TOX2: variants seen among roughly 807,000 people sequenced by gnomAD.
The protein encoded by TOX2 is granulosa cell HMG box 1.
A neutral mutation model predicts 47.4 loss-of-function variants in TOX2; 15 were observed. The observed-to-expected ratio is 0.32, with a 90% CI of 0.21 to 0.49. The LOEUF is 0.49. Among genes scored for constraint, TOX2 ranks in the 20% least tolerant of loss-of-function variants. The pLI is 0.99. For synonymous variants in TOX2, 290 were observed against 296.6 expected (o/e 0.98, Z 0.23); for missense variants, 622 against 673.1 (o/e 0.92, Z 0.84).
chr20:43,991,694 A>G (rs911441641), intron 2 of TOX2, among the ~76,000 whole-genome samples: 2 of 151,178 alleles, frequency 1.3e-5, no homozygotes, highest in African/African-American at 4.9e-5. Context: ...TCCAGGCTGG[A>G]GTGCAGTGGT....
At chr20:43,952,074 A>T (rs6073262) in intron 1 of TOX2, among the ~76,000 whole-genome samples, 112,316 of 148,460 alleles carry the variant, frequency 0.76, 42,370 homozygotes, top group Admixed American at 0.79. Context: ...TTTTTTTTTT[A>T]AAATTTTTAG....
chr20:43,984,261 G>T (rs913077771), intron 2 of TOX2, among the ~76,000 whole-genome samples: 1 of 152,166 alleles, frequency 6.6e-6, no homozygotes, highest in Non-Finnish European at 1.5e-5. Context: ...ATAAATACCA[G>T]AGGCCTTAAA....
chr20:43,947,774 T>TGG (rs1423944227), intron 1 of TOX2, among the ~76,000 whole-genome samples: 5 of 152,204 alleles, frequency 3.3e-5, no homozygotes, highest in Non-Finnish European at 5.9e-5. Context: ...AGCACTGTGT[T>TGG]GGTGGGGCCC....
chr20:44,068,165 T>C (rs2071867527), intron 8 of TOX2, among the ~76,000 whole-genome samples: 1 of 152,018 alleles, frequency 6.6e-6, no homozygotes, highest in South Asian at 2.1e-4. Flanking sequence ...TGTCCCTAAG[T>C]TTCCTTCTCA....
chr20:44,055,526 C>T (rs1004546332), intron 5 of TOX2, among the ~76,000 whole-genome samples: 10 of 152,106 alleles, frequency 6.6e-5, no homozygotes, highest in African/African-American at 1.9e-4. Flanking sequence ...ATGGCAGAGA[C>T]GGAGCTGGAA....
At chr20:44,017,245 C>CT (rs1466278315) in intron 3 of TOX2, among the ~76,000 whole-genome samples, 1 of 152,218 alleles carries the variant, frequency 6.6e-6, no homozygotes, top group East Asian at 1.9e-4. Context: ...CCAGTTCTTC[C>CT]TGCACCCGCC....
At chr20:44,051,201 C>T (rs1452661613) in intron 3 of TOX2, 105 bp from the exon 4 acceptor site, 3 of 1,471,304 alleles carry the variant, frequency 2.0e-6, no homozygotes, top group African/African-American at 1.4e-5. Flanking sequence ...GAGCCGCACC[C>T]ATCACTTCTC....
intron 1 of TOX2, among the ~76,000 whole-genome samples, chr20:43,960,072 G>A (rs905023090): frequency 9.2e-5 from 14 of 152,330 alleles, no homozygotes; most frequent in African/African-American, 3.4e-4. Flanking sequence ...TAAAATGGGA[G>A]CCTCAGTAAC....
At chr20:43,932,906 A>T (rs1331917402) in intron 1 of TOX2, among the ~76,000 whole-genome samples, 1 of 151,598 alleles carries the variant, frequency 6.6e-6, no homozygotes, top group Non-Finnish European at 1.5e-5. Flanking sequence ...TCTTTCTAAC[A>T]CCTTCCCCGG....
chr20:43,959,948 G>C (rs76688430), intron 1 of TOX2, among the ~76,000 whole-genome samples: 5,075 of 152,242 alleles, frequency 0.033, 296 homozygotes, highest in African/African-American at 0.12. Context: ...CTTCTCATTA[G>C]AGTGTAGGCT....
intron 3 of TOX2, among the ~76,000 whole-genome samples, chr20:44,050,263 G>A (rs1038997777): frequency 5.3e-5 from 8 of 152,274 alleles, no homozygotes; most frequent in African/African-American, 1.7e-4. Flanking sequence ...TTTAAAATGC[G>A]GAGGAAGGGA....
chr20:43,966,410 C>T (rs1010206841), intron 1 of TOX2, among the ~76,000 whole-genome samples: 6 of 151,982 alleles, frequency 3.9e-5, no homozygotes, highest in Non-Finnish European at 7.4e-5. Context: ...AGGTAGATTT[C>T]GGTGGATAGA....
chr20:43,974,123 G>A (rs2070027900), intron 2 of TOX2, among the ~76,000 whole-genome samples: 1 of 152,174 alleles, frequency 6.6e-6, no homozygotes, highest in Admixed American at 6.5e-5. Flanking sequence ...TGAGGGTCCA[G>A]GGAGGGTCTC....
Position 43,919,681 on chromosome 20 carries a change from G to A in TOX2, c.99+4691G>A, listed in dbSNP as rs117407000. On this transcript the variant is annotated intron_variant, in intron 1 of 8. Transcript: ENST00000341197. ...ATGCTCTCACTCCCTCCCTCCCCCC[G>A]GCACTTGACAGGCCCCGGTGTGTGT... 8.9e-3 allele frequency among the ~76,000 whole-genome samples: 1,357 copies of A among 152,048 alleles called. 6 individuals are homozygous for A. The highest frequency in any genetic ancestry group is 0.012 in the Non-Finnish European group (806 of 67,982).
intron 2 of TOX2, among the ~76,000 whole-genome samples, chr20:43,977,004 C>T (rs1428846320): frequency 1.3e-5 from 2 of 152,204 alleles, no homozygotes; most frequent in Non-Finnish European, 2.9e-5. Context: ...ACAAGGTTCA[C>T]CCAATCAGCA....
At chr20:44,026,964 A>C (rs2071077818) in intron 3 of TOX2, among the ~76,000 whole-genome samples, 5 of 152,164 alleles carry the variant, frequency 3.3e-5, no homozygotes, top group Admixed American at 2.6e-4. Context: ...CCACTTCAAC[A>C]CAGGCAACAC....
chr20:44,068,645 C>T lies in TOX2; in HGVS notation c.1485-5C>T. ...AGCTTTGACAGCCCCTCCTCTCTCT[C>T]ACAGCCTGCTCCCCAGGGACAAATC... On this transcript the variant is annotated splice_polypyrimidine_tract_variant and splice_region_variant and intron_variant, in intron 8 of 8. Coordinates refer to ENST00000341197, the MANE Select transcript of TOX2 (RefSeq NM_001098797.2). The T allele has an allele frequency of 6.2e-7, 1 of 1,611,742 alleles. No individual in the cohort carries two copies. Among genetic ancestry groups the T allele is most frequent in the Non-Finnish European group, 8.5e-7 (1 of 1,178,236 alleles).
At chr20:44,058,072 C>T (rs8125283) in intron 5 of TOX2, among the ~76,000 whole-genome samples, 8,151 of 152,256 alleles carry the variant, frequency 0.054, 259 homozygotes, top group African/African-American at 0.098. Context: ...ACTTTTGCTC[C>T]AAGAACTACC....
chr20:43,970,640 AT>A (rs1347312865), intron 1 of TOX2, among the ~76,000 whole-genome samples: 1 of 152,224 alleles, frequency 6.6e-6, no homozygotes, highest in African/African-American at 2.4e-5. Flanking sequence ...TTTTTAAAAA[AT>A]TTTACTTTTG....
Sources: allele counts gnomAD v4.1 joint callset (sites outside exome capture counted in the v4.1 genomes callset), GRCh38; gene constraint gnomAD v4.1.1; transcripts MANE v1.5; gene names NCBI Gene and HGNC (gene_info 2026-07-23, HGNC 2026-07-21).